COMMD10: variants seen among roughly 807,000 people sequenced by gnomAD.
COMMD10 encodes the protein COMM domain-containing protein 10.
Under a neutral mutation model 28.9 loss-of-function variants are expected in COMMD10, and 33 were observed. That is an observed-to-expected ratio of 1.14 (90% CI 0.87 to 1.53). The LOEUF is 1.53. Among genes scored for constraint, COMMD10 ranks in the 40% most tolerant of loss-of-function variants. The pLI, the probability that COMMD10 is intolerant of heterozygous loss-of-function variation, is 0.00. For missense variants in COMMD10, 310 were observed against 233.4 expected, an observed-to-expected ratio of 1.33 and a Z score of -2.14; for synonymous variants, 110 against 81.7, an observed-to-expected ratio of 1.35 and a Z score of -1.87.
intron 4 of COMMD10, among the ~76,000 whole-genome samples, chr5:116,127,785 G>T (rs913734690): frequency 6.6e-6 from 1 of 152,086 alleles, no homozygotes; most frequent in East Asian, 1.9e-4. Flanking sequence ...TTGTGGTGGG[G>T]GGAAGGAGGA....
At chr5:116,291,606 T>A in intron 6 of COMMD10, 30 bp downstream of exon 6, 2 of 1,255,936 alleles carry the variant, frequency 1.6e-6, no homozygotes, top group Non-Finnish European at 2.3e-6. Context: ...TTTTCTAATA[T>A]GTGGAGTTTT....
intron 5 of COMMD10, among the ~76,000 whole-genome samples, chr5:116,171,084 A>G (rs1388907587): frequency 1.3e-5 from 2 of 152,332 alleles, no homozygotes; most frequent in Middle Eastern, 3.4e-3. Context: ...CAATCTGTCC[A>G]TCTGAGAAAG....
chr5:116,272,526 C>T (rs1419862270), intron 5 of COMMD10, among the ~76,000 whole-genome samples: 1 of 151,764 alleles, frequency 6.6e-6, no homozygotes, highest in Non-Finnish European at 1.5e-5. Context: ...ATGACTTGAA[C>T]ATCCCAGAAC....
intron 5 of COMMD10, among the ~76,000 whole-genome samples, chr5:116,263,805 C>G (rs904218254): frequency 6.6e-6 from 1 of 151,672 alleles, no homozygotes; most frequent in African/African-American, 2.4e-5. Context: ...CAGTGTATTT[C>G]TTAAATCTAT....
chr5:116,289,438 C>T (rs903900337), intron 5 of COMMD10, among the ~76,000 whole-genome samples: 5 of 151,798 alleles, frequency 3.3e-5, no homozygotes, highest in Admixed American at 2.0e-4. Flanking sequence ...GTTCTAGGGC[C>T]TCTCAAATGT....
At chr5:116,117,364 A>C (rs1377267235) in intron 4 of COMMD10, among the ~76,000 whole-genome samples, 1 of 152,192 alleles carries the variant, frequency 6.6e-6, no homozygotes, top group Non-Finnish European at 1.5e-5. Flanking sequence ...TCCATGCTAC[A>C]TGGATTGGGA....
In COMMD10 at chr5:116,112,457, C is replaced by T. The variant is rs543116647; in HGVS notation, c.399+19757C>T. Among the ~76,000 whole-genome samples the T allele has an allele frequency of 1.7e-4, 26 of 151,640 alleles. No homozygotes were observed. The South Asian group carries it at 1.9e-3, about 11-fold the overall frequency. On this transcript the variant is annotated intron_variant, in intron 4 of 6. Coordinates refer to ENST00000274458, the MANE Select transcript of COMMD10 (RefSeq NM_016144.4). Reference sequence around the variant, plus strand: ...CTGTCGCCAAGCTGGAGTGCAGTGGCGGGATCTCAGCTCACTGCAACCTCC... The same window carrying T: ...CTGTCGCCAAGCTGGAGTGCAGTGGTGGGATCTCAGCTCACTGCAACCTCC...
intron 4 of COMMD10, among the ~76,000 whole-genome samples, chr5:116,129,266 C>T (rs910870113): frequency 2.0e-5 from 3 of 150,260 alleles, no homozygotes; most frequent in South Asian, 2.1e-4. Context: ...CGTTTTTAAT[C>T]TGTAAAATGG....
intron 4 of COMMD10, among the ~76,000 whole-genome samples, chr5:116,119,505 A>G (rs1751352350): frequency 6.6e-6 from 1 of 152,196 alleles, no homozygotes; most frequent in Admixed American, 6.5e-5. Flanking sequence ...ATGTCTTATG[A>G]AAGTAGGCAG....
At chr5:116,128,308 G>A (rs1416818828) in intron 4 of COMMD10, among the ~76,000 whole-genome samples, 2 of 151,978 alleles carry the variant, frequency 1.3e-5, no homozygotes, top group African/African-American at 2.4e-5. Flanking sequence ...CCTAACTACT[G>A]TGTTAACAGT....
At position 116,292,595 on chromosome 5, in the gene COMMD10, C is replaced by T. The variant is rs866725597; in HGVS notation, c.*106C>T. 11 of 866,430 alleles carry T rather than the reference C, an allele frequency of 1.3e-5. No homozygotes were observed. The African/African-American group carries it at 1.7e-4, about 13-fold the overall frequency. The allele number at this position is 866,430 out of a possible 1,614,324, so 53.7% of individuals were successfully genotyped here. A position where few individuals can be genotyped will look rare whatever the true frequency, so the allele number is the denominator to read the frequency against. ...TCTGAAGGATTCAGTGACTTGCTTT[C>T]TGTAAATTATATGGCTTATCACTTC... On this transcript the variant is annotated 3_prime_UTR_variant, in exon 7 of 7. Transcript: ENST00000274458.
chr5:116,182,382 A>G (rs946575529), intron 5 of COMMD10, among the ~76,000 whole-genome samples: 1 of 151,692 alleles, frequency 6.6e-6, no homozygotes. Context: ...TAATGGTAGT[A>G]TTGTTTACTG....
intron 5 of COMMD10, among the ~76,000 whole-genome samples, chr5:116,170,758 T>C (rs776653228): frequency 1.3e-5 from 2 of 151,968 alleles, no homozygotes; most frequent in South Asian, 2.1e-4. Context: ...TTTAATAAAT[T>C]ATGTTAGGAA....
chr5:116,212,844 T>G (rs1561670012), intron 5 of COMMD10, among the ~76,000 whole-genome samples: 1 of 152,088 alleles, frequency 6.6e-6, no homozygotes, highest in Non-Finnish European at 1.5e-5. Flanking sequence ...TCTGTATATA[T>G]CTGACACTTA....
intron 5 of COMMD10, among the ~76,000 whole-genome samples, chr5:116,247,642 C>A (rs1270340430): frequency 1.3e-5 from 2 of 151,894 alleles, no homozygotes; most frequent in Admixed American, 1.3e-4. Context: ...TAAAAAAGAA[C>A]GAGATCATAT....
At position 116,231,551 on chromosome 5, in the gene COMMD10, A is replaced by G. The variant is rs147281152; in HGVS notation, c.511-59966A>G. Among the ~76,000 whole-genome samples the G allele has an allele frequency of 5.7e-3, 867 of 152,214 alleles. 9 individuals carry two copies. Among genetic ancestry groups the G allele is most frequent in the Middle Eastern group, 6.8e-3 (2 of 294 alleles). ...TGATTGCTATACTTCACTAAAATCTATGGAGATCAAAGGCTACTTTGGCAG... is the reference window on the plus strand; with the variant it reads ...TGATTGCTATACTTCACTAAAATCTGTGGAGATCAAAGGCTACTTTGGCAG... On this transcript the variant is annotated intron_variant, in intron 5 of 6. Transcript: ENST00000274458.
chr5:116,204,566 C>G (rs1282927384), intron 5 of COMMD10, among the ~76,000 whole-genome samples: 1 of 152,040 alleles, frequency 6.6e-6, no homozygotes, highest in Non-Finnish European at 1.5e-5. Context: ...CTCTATGTTA[C>G]AGGCAGAAGT....
chr5:116,201,041 T>A (rs1299293102), intron 5 of COMMD10, among the ~76,000 whole-genome samples: 3 of 152,140 alleles, frequency 2.0e-5, no homozygotes, highest in Admixed American at 6.6e-5. Flanking sequence ...CTTCTCAGTT[T>A]TTTTATCCTT....
At chr5:116,287,679 T>C (rs1244297310) in intron 5 of COMMD10, among the ~76,000 whole-genome samples, 1 of 151,714 alleles carries the variant, frequency 6.6e-6, no homozygotes, top group Non-Finnish European at 1.5e-5. Flanking sequence ...CATTGATTTT[T>C]TTTTCTAGTG....
Sources: allele counts gnomAD v4.1 joint callset (sites outside exome capture counted in the v4.1 genomes callset), GRCh38; gene constraint gnomAD v4.1.1; transcripts MANE v1.5; gene names NCBI Gene and HGNC (gene_info 2026-07-23, HGNC 2026-07-21).